The following ANKRD28 variants were observed in gnomAD, a reference collection of about 807,000 sequenced individuals.
The protein encoded by ANKRD28 is serine/threonine-protein phosphatase 6 regulatory ankyrin repeat subunit A.
A neutral mutation model predicts 126.5 loss-of-function variants in ANKRD28; 44 were observed. The observed-to-expected ratio is 0.35, with a 90% CI of 0.27 to 0.45. The LOEUF (loss-of-function observed/expected upper bound fraction) is 0.45. Among genes scored for constraint, ANKRD28 ranks in the 20% least tolerant of loss-of-function variants. ANKRD28 has a pLI of 1.00. For synonymous variants in ANKRD28, 442 were observed against 468.5 expected, an observed-to-expected ratio of 0.94 and a Z score of 0.73; for missense variants, 1,110 against 1,316.6, an observed-to-expected ratio of 0.84 and a Z score of 2.43.
intron 8 of ANKRD28, among the ~76,000 whole-genome samples, chr3:15,717,689 C>T (rs996079736): frequency 2.6e-5 from 4 of 152,034 alleles, no homozygotes; most frequent in Admixed American, 2.6e-4. Context: ...GCTTAGCTGA[C>T]CAAAATCTAT....
intron 27 of ANKRD28, among the ~76,000 whole-genome samples, chr3:15,671,406 C>T (rs2066334425): frequency 6.6e-6 from 1 of 152,054 alleles, no homozygotes; most frequent in Admixed American, 6.6e-5. Context: ...ACATAACATA[C>T]ATTTGTATAA....
chr3:15,685,016 A>C (rs1392067299), intron 21 of ANKRD28: 1 of 579,208 alleles, frequency 1.7e-6, no homozygotes, highest in Non-Finnish European at 3.0e-6. Flanking sequence ...GGCTTATCTC[A>C]GAACACCTTT....
At chr3:15,741,853 C>G (rs2057045237) in intron 4 of ANKRD28, among the ~76,000 whole-genome samples, 1 of 152,010 alleles carries the variant, frequency 6.6e-6, no homozygotes, top group African/African-American at 2.4e-5. Context: ...TCTCCTGCCT[C>G]AGCCTGCCGA....
At chr3:15,761,748 G>A (rs1385073156) in intron 3 of ANKRD28, among the ~76,000 whole-genome samples, 1 of 152,178 alleles carries the variant, frequency 6.6e-6, no homozygotes, top group Admixed American at 6.5e-5. Flanking sequence ...TCTAAAATGT[G>A]TAGTATATCT....
chr3:15,859,293 C>T, intron 1 of ANKRD28: 1 of 1,491,488 alleles, frequency 6.7e-7, no homozygotes, highest in Non-Finnish European at 8.9e-7. Flanking sequence ...GCCGAGCGGG[C>T]GTCCCAGCGG....
At chr3:15,694,897 T>C in intron 16 of ANKRD28, 84 bp from the exon 17 acceptor site, 1 of 1,301,600 alleles carries the variant, frequency 7.7e-7, no homozygotes, top group Non-Finnish European at 1.1e-6. Context: ...AAATCCACCT[T>C]AGAGTATTAT....
chr3:15,682,282 C>T (rs1575121984), intron 21 of ANKRD28, among the ~76,000 whole-genome samples: 2 of 152,212 alleles, frequency 1.3e-5, no homozygotes, highest in Middle Eastern at 3.4e-3. Flanking sequence ...ATTACAATTT[C>T]TAATACAGTC....
intron 8 of ANKRD28, among the ~76,000 whole-genome samples, chr3:15,715,632 C>G (rs1575344088): frequency 6.6e-6 from 1 of 152,114 alleles, no homozygotes; most frequent in African/African-American, 2.4e-5. Flanking sequence ...GTCAGAATAA[C>G]CTAAGCATGA....
At chr3:15,763,821 A>AT (rs201534671) in intron 3 of ANKRD28, among the ~76,000 whole-genome samples, 9 of 151,718 alleles carry the variant, frequency 5.9e-5, no homozygotes, top group South Asian at 2.1e-4. Flanking sequence ...TAAAAACTTA[A>AT]TTTTTTTTTA....
intron 6 of ANKRD28, among the ~76,000 whole-genome samples, chr3:15,734,998 A>G (rs1440390789): frequency 1.3e-5 from 2 of 152,236 alleles, no homozygotes; most frequent in East Asian, 3.8e-4. Flanking sequence ...TAAATTTACT[A>G]TTATAGAAAT....
intron 18 of ANKRD28, 183 bp downstream of exon 18, chr3:15,689,836 G>A (rs765311208): frequency 1.2e-5 from 7 of 585,964 alleles, no homozygotes; most frequent in Admixed American, 3.0e-5. Context: ...ATGAATGACG[G>A]AGGCTTTGTA....
At chr3:15,708,172 T>C in intron 13 of ANKRD28, 108 bp from the exon 14 acceptor site, 1 of 1,285,148 alleles carries the variant, frequency 7.8e-7, no homozygotes, top group Non-Finnish European at 1.1e-6. Flanking sequence ...TTATTTACAG[T>C]GAGACTTAGA....
At chr3:15,678,379 T>C in intron 23 of ANKRD28, 25 bp from the exon 24 acceptor site, 3 of 1,578,000 alleles carry the variant, frequency 1.9e-6, no homozygotes, top group Non-Finnish European at 2.6e-6. Flanking sequence ...AATTGAAATA[T>C]ATGACTAAAT....
intron 8 of ANKRD28, among the ~76,000 whole-genome samples, chr3:15,715,443 A>C (rs1309333228): frequency 2.0e-5 from 3 of 152,242 alleles, no homozygotes; most frequent in Admixed American, 1.3e-4. Flanking sequence ...TCATGTCTTT[A>C]TAATAATAAT....
chr3:15,859,465 GACCGGCCCA>G, exon 1 of ANKRD28: 1 of 1,412,766 alleles, frequency 7.1e-7, no homozygotes, highest in Non-Finnish European at 9.4e-7. Flanking sequence ...TGCCGCCGCC[GACCGGCCCA>G]CTGCTCCCGC....
Position 15,749,095 on chromosome 3 carries a change from G to GTTTTTTTTTT in ANKRD28, c.351+2654_351+2655insAAAAAAAAAA, listed in dbSNP as rs1357402514. 3.8e-3 allele frequency among the ~76,000 whole-genome samples: 405 copies of GTTTTTTTTTT among 106,902 alleles called. 68 individuals are homozygous for GTTTTTTTTTT. The highest frequency in any genetic ancestry group is 0.011 in the East Asian group (32 of 3,020). The allele number at this position is 106,902 out of a possible 152,430, so 70.1% of individuals were successfully genotyped here. ...ATTTTCCTTTCATATTCTATATTAT[G>GTTTTTTTTTT]TTTTTGTTTTTTTTTTTTTTTTTTT... On this transcript the variant is annotated intron_variant, in intron 4 of 27. Transcript: ENST00000683139.
At position 15,685,185 on chromosome 3, in the gene ANKRD28, T is replaced by C. The variant is rs55669002; in HGVS notation, c.2389+41A>G. 6,958 of 1,593,674 alleles carry C rather than the reference T, an allele frequency of 4.4e-3. 270 individuals carry two copies. The African/African-American group carries it at 0.078, about 18-fold the overall frequency. On this transcript the variant is annotated intron_variant, in intron 21 of 27. Coordinates refer to ENST00000683139, the MANE Select transcript of ANKRD28 (RefSeq NM_001349278.2). ...TAAATATGTCATTCTTTTATCTCTGTTCACTACACAATGATATGCATTTGT... is the reference window on the plus strand; with the variant it reads ...TAAATATGTCATTCTTTTATCTCTGCTCACTACACAATGATATGCATTTGT...
chr3:15,835,341 T>G (rs1469337622), intron 1 of ANKRD28, among the ~76,000 whole-genome samples: 1 of 152,206 alleles, frequency 6.6e-6, no homozygotes, highest in Non-Finnish European at 1.5e-5. Context: ...CTATATCGCA[T>G]TCTGCCACAA....
At chr3:15,856,979 G>A (rs2061785818) in intron 1 of ANKRD28, among the ~76,000 whole-genome samples, 2 of 152,212 alleles carry the variant, frequency 1.3e-5, no homozygotes, top group South Asian at 4.1e-4. Flanking sequence ...TCCAGCTTTA[G>A]AAGTCTGTAT....
Sources: allele counts gnomAD v4.1 joint callset (sites outside exome capture counted in the v4.1 genomes callset), GRCh38; gene constraint gnomAD v4.1.1; transcripts MANE v1.5; gene names NCBI Gene and HGNC (gene_info 2026-07-23, HGNC 2026-07-21).